The following UTRN variants were observed in gnomAD, a reference collection of about 807,000 sequenced individuals.
UTRN encodes the protein utrophin, also known as dystrophin-related protein 1.
A neutral mutation model predicts 463.9 loss-of-function variants in UTRN; 283 were observed. That is an observed-to-expected ratio of 0.61 (90% CI 0.55 to 0.67). The LOEUF is 0.67. UTRN is among the 30% of genes least tolerant of loss of function. The pLI, the probability that UTRN is intolerant of heterozygous loss-of-function variation, is 0.00. For missense variants in UTRN, 3,922 were observed against 4,084.3 expected (o/e 0.96, Z 1.08); for synonymous variants, 1,442 against 1,431.5 (o/e 1.01, Z -0.17).
intron 51 of UTRN, among the ~76,000 whole-genome samples, chr6:144,648,032 C>T (rs2128665324): frequency 6.6e-6 from 1 of 152,288 alleles, no homozygotes; most frequent in East Asian, 1.9e-4. Flanking sequence ...AACATTAACA[C>T]AACTCTACAC....
In UTRN at chr6:144,778,159, G is replaced by A. The variant is rs541636106; in HGVS notation, c.8633-3763G>A. Among the ~76,000 whole-genome samples, 4 of 152,282 alleles carry A rather than the reference G, an allele frequency of 2.6e-5. No individual in the cohort carries two copies. The East Asian group carries it at 7.7e-4, about 29-fold the overall frequency. ...GCAGAGAACAGAGAATGGGTAAATAGTTCAGGTGAAGGATGATCAAAGCTG... is the reference window on the plus strand; with the variant it reads ...GCAGAGAACAGAGAATGGGTAAATAATTCAGGTGAAGGATGATCAAAGCTG... On this transcript the variant is annotated intron_variant, in intron 60 of 74. Coordinates refer to ENST00000367545, the MANE Select transcript of UTRN (RefSeq NM_007124.3).
intron 2 of UTRN, among the ~76,000 whole-genome samples, chr6:144,373,777 C>G (rs976659525): frequency 3.3e-5 from 5 of 152,190 alleles, no homozygotes; most frequent in Non-Finnish European, 7.3e-5. Context: ...CTGCTGCTGT[C>G]ATCATTTTCA....
At position 144,705,528 on chromosome 6, in the gene UTRN, C is replaced by T. The variant is rs1288952311; in HGVS notation, c.7809+5285C>T. On this transcript the variant is annotated intron_variant, in intron 53 of 74. Coordinates refer to ENST00000367545, the MANE Select transcript of UTRN (RefSeq NM_007124.3). ...GGATGATGTCATCTCACTGTGTCCT[C>T]CCATAGTGGAAGGTAGTCTTTTATA... Among the ~76,000 whole-genome samples the T allele has an allele frequency of 3.3e-5, 5 of 152,260 alleles. No homozygotes were observed. In the South Asian group the frequency reaches 6.2e-4, roughly 19 times the overall value.
At chr6:144,365,818 A>G (rs113425846) in intron 2 of UTRN, among the ~76,000 whole-genome samples, 4 of 151,946 alleles carry the variant, frequency 2.6e-5, no homozygotes, top group African/African-American at 7.3e-5. Context: ...GCTCACTGCA[A>G]CCTCCGCCTC....
intron 59 of UTRN, 146 bp downstream of exon 59, chr6:144,772,114 A>G (rs1281411630): frequency 4.2e-6 from 2 of 474,436 alleles, no homozygotes; most frequent in East Asian, 3.8e-5. Flanking sequence ...GCTCACTGCA[A>G]CCTCTGCCTC....
intron 39 of UTRN, among the ~76,000 whole-genome samples, chr6:144,519,042 T>A (rs1396096358): frequency 6.6e-6 from 1 of 152,136 alleles, no homozygotes; most frequent in East Asian, 1.9e-4. Flanking sequence ...CAATTAGGAT[T>A]GAGAAGCACT....
At position 144,767,217 on chromosome 6, in the gene UTRN, T is replaced by G. The variant is rs531490819; in HGVS notation, c.8496-4690T>G. 2.0e-5 allele frequency among the ~76,000 whole-genome samples: 3 copies of G among 152,232 alleles called. No homozygotes were observed. In the East Asian group the frequency reaches 5.8e-4, roughly 29 times the overall value. ...ATTTGAGGTTTGAAATCACATATTT[T>G]AAAGTAAATTGAGTCTGTCTGTTGA... On this transcript the variant is annotated intron_variant, in intron 58 of 74. Coordinates refer to ENST00000367545, the MANE Select transcript of UTRN (RefSeq NM_007124.3).
At chr6:144,490,857 G>T (rs771363978) in intron 31 of UTRN, 72 bp from the exon 32 acceptor site, 2 of 1,449,384 alleles carry the variant, frequency 1.4e-6, no homozygotes, top group Non-Finnish European at 1.8e-6. Context: ...ATTTTTAGTA[G>T]TATCTGTTAT....
chr6:144,766,315 A>G (rs989288903), intron 58 of UTRN, among the ~76,000 whole-genome samples: 4 of 152,222 alleles, frequency 2.6e-5, no homozygotes, highest in East Asian at 1.9e-4. Flanking sequence ...TTGTCATATC[A>G]GATTGCCAAC....
intron 73 of UTRN, among the ~76,000 whole-genome samples, chr6:144,842,621 A>C (rs1781684485): frequency 6.6e-6 from 1 of 152,164 alleles, no homozygotes; most frequent in Non-Finnish European, 1.5e-5. Context: ...GAATAAATAA[A>C]ACATATATTT....
At chr6:144,367,347 A>G (rs1371065134) in intron 2 of UTRN, among the ~76,000 whole-genome samples, 1 of 151,960 alleles carries the variant, frequency 6.6e-6, no homozygotes, top group Non-Finnish European at 1.5e-5. Flanking sequence ...AAAAAAAAAA[A>G]AATCCTTCCA....
At chr6:144,420,475 A>G (rs1784736254) in intron 3 of UTRN, among the ~76,000 whole-genome samples, 1 of 152,182 alleles carries the variant, frequency 6.6e-6, no homozygotes, top group Non-Finnish European at 1.5e-5. Context: ...ATAATAATTC[A>G]TTGTATCACA....
intron 51 of UTRN, among the ~76,000 whole-genome samples, chr6:144,610,907 AC>A (rs1012947337): frequency 2.0e-5 from 3 of 152,158 alleles, no homozygotes; most frequent in African/African-American, 7.2e-5. Flanking sequence ...ACCAAAACAA[AC>A]AAGAAAACAA....
At chr6:144,498,239 C>T (rs1793844150) in intron 33 of UTRN, among the ~76,000 whole-genome samples, 1 of 152,230 alleles carries the variant, frequency 6.6e-6, no homozygotes, top group Admixed American at 6.5e-5. Flanking sequence ...TTGTACCACC[C>T]TGGCCTTGGC....
intron 73 of UTRN, among the ~76,000 whole-genome samples, chr6:144,843,167 T>A (rs1158560254): frequency 2.0e-5 from 3 of 152,208 alleles, no homozygotes; most frequent in African/African-American, 7.2e-5. Context: ...AAAAACAAAT[T>A]CTGTACATCA....
chr6:144,564,669 G>T (rs1356478628), intron 50 of UTRN, among the ~76,000 whole-genome samples: 7 of 152,144 alleles, frequency 4.6e-5, no homozygotes, highest in African/African-American at 1.7e-4. Flanking sequence ...GAGAATTGCT[G>T]AGTGAAGGGG....
chr6:144,787,748 G>A (rs1776409127), intron 61 of UTRN, among the ~76,000 whole-genome samples: 2 of 152,086 alleles, frequency 1.3e-5, no homozygotes, highest in African/African-American at 4.8e-5. Context: ...AAATATTTAT[G>A]TTTTTAAAAT....
chr6:144,424,266 C>T (rs1785101753), intron 6 of UTRN, among the ~76,000 whole-genome samples, 188 bp downstream of exon 6: 1 of 152,166 alleles, frequency 6.6e-6, no homozygotes, highest in South Asian at 2.1e-4. Context: ...TTCCTGAGGG[C>T]TCTGAGGGAG....
At chr6:144,524,394 T>C (rs1796377902) in intron 41 of UTRN, among the ~76,000 whole-genome samples, 1 of 152,148 alleles carries the variant, frequency 6.6e-6, no homozygotes, top group Admixed American at 6.5e-5. Context: ...TGTAAAAATA[T>C]CCTTCTTTTT....
Sources: allele counts gnomAD v4.1 joint callset (sites outside exome capture counted in the v4.1 genomes callset), GRCh38; gene constraint gnomAD v4.1.1; transcripts MANE v1.5; gene names NCBI Gene and HGNC (gene_info 2026-07-23, HGNC 2026-07-21).